CELSR1: variants seen among roughly 807,000 people sequenced by gnomAD.
CELSR1 encodes cadherin EGF LAG seven-pass G-type receptor 1, also known as adhesion G protein-coupled receptor C1.
A neutral mutation model predicts 249.1 loss-of-function variants in CELSR1; 110 were observed. The ratio of observed to expected loss-of-function variants is 0.44; its 90% CI spans 0.38 to 0.52. The LOEUF (loss-of-function observed/expected upper bound fraction) is 0.52, where lower values mean the gene tolerates loss of function less well. Among genes scored for constraint, CELSR1 ranks in the 20% least tolerant of loss-of-function variants. The probability of loss-of-function intolerance (pLI) is 0.00; values close to 1 mark genes in which losing one functional copy is unlikely to be tolerated. For missense variants in CELSR1, 4,109 were observed against 4,296.4 expected (o/e 0.96, Z 1.22); for synonymous variants, 2,113 against 1,900.0 (o/e 1.11, Z -2.92).
chr22:46,501,745 T>C (rs1257280521), intron 1 of CELSR1, among the ~76,000 whole-genome samples: 2 of 152,214 alleles, frequency 1.3e-5, no homozygotes, highest in East Asian at 1.9e-4. Context: ...ACATCTCAGA[T>C]GAGCAATAGC....
Position 46,536,512 on chromosome 22 carries a change from G to T in CELSR1, c.659C>A (p.Pro220Gln). The change falls in exon 1 of 35, where the codon CCG (proline) becomes CAG (glutamine). Residue 220 changes from proline to glutamine, a missense_variant. Around this residue, in one of 7 missense-constraint regions of CELSR1, gnomAD observed 673 missense variants for 636.8 expected, o/e 1.06. Transcript: ENST00000674500. ...CCCCGCCCGGGCTTCGGGCAAGTTC[G>T]GCGGCAGGGGCGGCGATGGGGATGG... Reference protein sequence around the residue: ...ASPSPSPPLPPNLPEARAGPA... With the variant: ...ASPSPSPPLPQNLPEARAGPA... 1.3e-6 allele frequency: 2 copies of T among 1,496,458 alleles called. No homozygotes were observed. Among genetic ancestry groups the T allele is most frequent in the East Asian group, 2.7e-5 (1 of 37,266 alleles). The allele number at this position is 1,496,458 out of a possible 1,614,324, so 92.7% of individuals were successfully genotyped here. A position where few individuals can be genotyped will look rare whatever the true frequency, so the allele number is the denominator to read the frequency against.
At chr22:46,394,446 C>A (rs1049056057) in intron 13 of CELSR1, among the ~76,000 whole-genome samples, 184 bp from the exon 14 acceptor site, 1 of 152,206 alleles carries the variant, frequency 6.6e-6, no homozygotes, top group Non-Finnish European at 1.5e-5. Flanking sequence ...CCTCACCCCC[C>A]ACCCACAGAT....
rs537605784 is a variant in CELSR1, at chr22:46,409,363, C to A, written c.5060-201G>T. On this transcript the variant is annotated intron_variant, in intron 8 of 34. Coordinates refer to ENST00000674500, the MANE Select transcript of CELSR1 (RefSeq NM_001378328.1). This position sits in a 1 kb window ranked among gnomAD's most constrained non-coding sequence, Gnocchi z 9.8. ...GGCTCCAGAGAAGCGCACCCTGGGA[C>A]GTGAGCCTCCTTGCTGGGAAGCATG... 6.6e-6 allele frequency among the ~76,000 whole-genome samples: 1 copy of A among 152,178 alleles called. No homozygotes were observed. Among genetic ancestry groups the A allele is most frequent in the African/African-American group, 2.4e-5 (1 of 41,430 alleles).
At position 46,436,116 on chromosome 22, in the gene CELSR1, A is replaced by T; in HGVS notation, c.4522+58T>A. 1.4e-6 allele frequency: 2 copies of T among 1,433,702 alleles called. No individual in the cohort carries two copies. The highest frequency in any genetic ancestry group is 2.0e-6 in the Non-Finnish European group (2 of 1,020,030). 88.8% of individuals were successfully genotyped at this position (1,433,702 alleles called of 1,614,324 possible). ...CGCTGCACAGGGCGAGGGTCGTTTT[A>T]ACCCACAAAGTATCTGTGAATTGCT... On this transcript the variant is annotated intron_variant, in intron 4 of 34. Transcript: ENST00000674500. This position sits in a 1 kb window ranked among gnomAD's most constrained non-coding sequence, Gnocchi z 5.9.
At chr22:46,418,850 G>A (rs549832990) in intron 5 of CELSR1, among the ~76,000 whole-genome samples, 40 of 152,324 alleles carry the variant, frequency 2.6e-4, no homozygotes, top group South Asian at 2.1e-3. Flanking sequence ...CCGTTTCCCC[G>A]ATGATTCTGG....
At position 46,517,981 on chromosome 22, in the gene CELSR1, C is replaced by T. The variant is rs1430291758; in HGVS notation, c.3544+15646G>A. ...GCAATGGCAGGATTTTGGCTCACTG[C>T]AACCTCTGCCTCCTGCGTTCAAGTG... On this transcript the variant is annotated intron_variant, in intron 1 of 34. Coordinates refer to ENST00000674500, the MANE Select transcript of CELSR1 (RefSeq NM_001378328.1). This position sits in a 1 kb window ranked among gnomAD's most constrained non-coding sequence, Gnocchi z 5.4. 6.6e-6 allele frequency among the ~76,000 whole-genome samples: 1 copy of T among 151,340 alleles called. No homozygotes were observed. The highest frequency in any genetic ancestry group is 1.5e-5 in the Non-Finnish European group (1 of 67,966).
intron 1 of CELSR1, among the ~76,000 whole-genome samples, chr22:46,491,637 C>CTCTCT (rs56342032): frequency 4.4e-5 from 6 of 136,252 alleles, no homozygotes; most frequent in East Asian, 2.3e-4. Context: ...CTCTCTCTCT[C>CTCTCT]TTTTTTTTTT....
intron 27 of CELSR1, 56 bp from the exon 28 acceptor site, chr22:46,367,911 C>T: frequency 1.9e-6 from 3 of 1,552,488 alleles, no homozygotes; most frequent in Non-Finnish European, 1.7e-6. Context: ...TCCCTTCCTC[C>T]CTCCCTCTCT....
chr22:46,438,077 C>T (rs1324366872), intron 3 of CELSR1, among the ~76,000 whole-genome samples: 3 of 152,110 alleles, frequency 2.0e-5, no homozygotes, highest in Non-Finnish European at 4.4e-5. Context: ...AGCACACGTA[C>T]ACCGCTGGCG....
intron 14 of CELSR1, among the ~76,000 whole-genome samples, chr22:46,392,239 G>A (rs2079101533): frequency 6.6e-6 from 1 of 152,226 alleles, no homozygotes; most frequent in South Asian, 2.1e-4. Flanking sequence ...TGTACTTCGG[G>A]TTCAGAAAGT....
chr22:46,463,538 A>AG (rs1555923649), intron 2 of CELSR1, among the ~76,000 whole-genome samples, 169 bp downstream of exon 2: 1 of 151,118 alleles, frequency 6.6e-6, no homozygotes, highest in African/African-American at 2.4e-5. Context: ...AAAAAAAAAA[A>AG]GTACCGTTAC....
intron 22 of CELSR1, among the ~76,000 whole-genome samples, chr22:46,379,197 C>CA (rs1569116652): frequency 1.3e-5 from 2 of 152,236 alleles, no homozygotes; most frequent in African/African-American, 4.8e-5. Flanking sequence ...CTGACACTTT[C>CA]ATCTTCAGAT....
chr22:46,468,169 C>T lies in CELSR1; in HGVS notation c.3545-3824G>A, dbSNP rs985793111. 3.3e-5 allele frequency among the ~76,000 whole-genome samples: 5 copies of T among 151,792 alleles called. No individual in the cohort carries two copies. The highest frequency in any genetic ancestry group is 7.3e-5 in the African/African-American group (3 of 41,294). ...TTGGGAGGCCGAGGTGGGTGGATCA[C>T]GACGTCAGGAGTTCAAGACCAGCCT... is the stretch of plus-strand genomic sequence containing the variant. On this transcript the variant is annotated intron_variant, in intron 1 of 34. Coordinates refer to ENST00000674500, the MANE Select transcript of CELSR1 (RefSeq NM_001378328.1). This position sits in a 1 kb window ranked among gnomAD's most constrained non-coding sequence, Gnocchi z 4.5.
At chr22:46,483,764 T>C (rs957872845) in intron 1 of CELSR1, among the ~76,000 whole-genome samples, 2 of 152,112 alleles carry the variant, frequency 1.3e-5, no homozygotes, top group Admixed American at 1.3e-4. Context: ...AGCTGTCTGT[T>C]GGGGATGCAG....
chr22:46,505,202 C>T (rs1453348764), intron 1 of CELSR1, among the ~76,000 whole-genome samples: 1 of 126,558 alleles, frequency 7.9e-6, no homozygotes, highest in Non-Finnish European at 1.6e-5. Context: ...GCAGAGCTTG[C>T]AATGAGCCGA....
At chr22:46,532,852 A>G (rs2080806325) in intron 1 of CELSR1, among the ~76,000 whole-genome samples, 1 of 152,084 alleles carries the variant, frequency 6.6e-6, no homozygotes, top group African/African-American at 2.4e-5. Flanking sequence ...CAGCCCCGGC[A>G]CACAGGGTCA....
Position 46,398,718 on chromosome 22 carries a change from G to A in CELSR1, c.5413-81C>T. The A allele has an allele frequency of 8.8e-7, 1 of 1,140,684 alleles. No individual in the cohort carries two copies. Among genetic ancestry groups the A allele is most frequent in the Non-Finnish European group, 1.3e-6 (1 of 791,786 alleles). The allele number at this position is 1,140,684 out of a possible 1,614,324, so 70.7% of individuals were successfully genotyped here. On this transcript the variant is annotated intron_variant, in intron 10 of 34. Coordinates refer to ENST00000674500, the MANE Select transcript of CELSR1 (RefSeq NM_001378328.1). This position sits in a 1 kb window ranked among gnomAD's most constrained non-coding sequence, Gnocchi z 7.2. ...TCTCTCAGATGGGAAGGATACACTGGAAGTCTAAACAGTCACTTCAACAAA... is the reference window on the plus strand; with the variant it reads ...TCTCTCAGATGGGAAGGATACACTGAAAGTCTAAACAGTCACTTCAACAAA...
At chr22:46,525,205 T>C (rs1010941021) in intron 1 of CELSR1, among the ~76,000 whole-genome samples, 3 of 152,076 alleles carry the variant, frequency 2.0e-5, no homozygotes, top group African/African-American at 4.8e-5. Flanking sequence ...TCCCAACACT[T>C]TGGGAGGCCG....
chr22:46,462,235 G>C (rs1349602041), intron 2 of CELSR1, among the ~76,000 whole-genome samples: 1 of 152,368 alleles, frequency 6.6e-6, no homozygotes, highest in East Asian at 1.9e-4. Context: ...CCACAGACTA[G>C]CAGGCGTGGG....
Sources: gnomAD v4.1 joint callset for allele counts (sites outside exome capture counted in the v4.1 genomes callset) on GRCh38, gnomAD v4.1.1 for gene constraint, gnomAD v4.1.1 regional missense constraint, Gnocchi (gnomAD v3.1) non-coding constraint, MANE v1.5 for transcripts, NCBI Gene and HGNC (gene_info 2026-07-23, HGNC 2026-07-21) for gene names.